Variants in MYLK observed in about 807,000 individuals in gnomAD.
The protein encoded by MYLK is myosin light chain kinase.
In MYLK, 106 loss-of-function variants were observed where a neutral mutation model predicts 203.4. That is an observed-to-expected ratio of 0.52 (90% confidence interval 0.45 to 0.61). The LOEUF is 0.61. Among genes scored for constraint, MYLK ranks in the 20% least tolerant of loss-of-function variants. The pLI is 0.00. For synonymous variants in MYLK, 867 were observed against 959.5 expected (o/e 0.90, Z 1.78); for missense variants, 2,072 against 2,442.3 (o/e 0.85, Z 3.20).
chr3:123,810,127 C>T (rs930163379), intron 3 of MYLK, among the ~76,000 whole-genome samples: 1 of 152,204 alleles, frequency 6.6e-6, no homozygotes, highest in African/African-American at 2.4e-5. Flanking sequence ...TGTGTATTTA[C>T]TGAGTGCCCA....
At chr3:123,713,677 G>GGCCTCTA (rs1400460032) in intron 13 of MYLK, among the ~76,000 whole-genome samples, 1 of 150,594 alleles carries the variant, frequency 6.6e-6, no homozygotes, top group Non-Finnish European at 1.5e-5. Flanking sequence ...GCTCATCTCT[G>GGCCTCTA]GCCTCTAGCC....
chr3:123,677,519 G>C (rs2060108825), intron 20 of MYLK, among the ~76,000 whole-genome samples: 1 of 152,096 alleles, frequency 6.6e-6, no homozygotes, highest in African/African-American at 2.4e-5. Flanking sequence ...GGAAGAGTGT[G>C]GGGTGTTTCT....
intron 20 of MYLK, chr3:123,681,402 T>C (rs2060259930): frequency 6.6e-6 from 1 of 152,106 alleles, no homozygotes; most frequent in Admixed American, 6.6e-5. Context: ...TTCTGAAAGG[T>C]AATTGCTTGA....
chr3:123,692,670 G>C (rs1186094496), intron 19 of MYLK, 65 bp downstream of exon 19: 2 of 1,266,370 alleles, frequency 1.6e-6, no homozygotes, highest in Admixed American at 1.7e-5. Context: ...GTATGGTAAG[G>C]AAGGGAGGGG....
intron 4 of MYLK, among the ~76,000 whole-genome samples, chr3:123,776,149 G>T (rs764412786): frequency 6.6e-6 from 1 of 152,200 alleles, no homozygotes; most frequent in African/African-American, 2.4e-5. Flanking sequence ...AGGCCAAGCT[G>T]CAGGGCAGAT....
At chr3:123,634,894 G>T (rs1254401) in intron 29 of MYLK, among the ~76,000 whole-genome samples, 1 of 152,086 alleles carries the variant, frequency 6.6e-6, no homozygotes, top group Non-Finnish European at 1.5e-5. Flanking sequence ...AACCACATGG[G>T]TATTGCTAAC....
In MYLK at chr3:123,797,177, A is replaced by G. The variant is rs542530081; in HGVS notation, c.-3-3333T>C. 2.0e-5 allele frequency among the ~76,000 whole-genome samples: 3 copies of G among 152,304 alleles called. No homozygotes were observed. The South Asian group carries it at 6.2e-4, about 32-fold the overall frequency. On this transcript the variant is annotated intron_variant, in intron 3 of 33. Coordinates refer to ENST00000360304, the MANE Select transcript of MYLK (RefSeq NM_053025.4). ...CAGAACAGTAGAATTGAATGATAAA[A>G]TGAGCACCCCAAATACCTATCACCT...
Position 123,614,028 on chromosome 3 carries a change from G to GTTTTTT in MYLK, c.*71_*76dup. 7.7e-7 allele frequency: 1 copy of GTTTTTT among 1,291,556 alleles called. No individual in the cohort carries two copies. Among genetic ancestry groups the GTTTTTT allele is most frequent in the Non-Finnish European group, 1.1e-6 (1 of 932,578 alleles). The allele number at this position is 1,291,556 out of a possible 1,614,324, so 80.0% of individuals were successfully genotyped here. ...ACACTAGGTGCTTTTACTATCTTGAGTTTTTTTTTTTTTTTTGAGTTTTAG... is the reference window on the plus strand; with the variant it reads ...ACACTAGGTGCTTTTACTATCTTGAGTTTTTTTTTTTTTTTTTTTTTTGAGTTTTAG... On this transcript the variant is annotated 3_prime_UTR_variant, in exon 34 of 34. Transcript: ENST00000360304.
rs554225843 is a variant in MYLK, at chr3:123,741,035, C to T, written c.374-1034G>A. 1.6e-4 allele frequency among the ~76,000 whole-genome samples: 24 copies of T among 152,208 alleles called. No homozygotes were observed. The South Asian group carries it at 4.8e-3, about 30-fold the overall frequency. ...AGGTCTTTTTTGAGATGATGATCAC[C>T]CTGAAAGTTGTTCTTCTTTTGCCGC... is the stretch of plus-strand genomic sequence containing the variant. On this transcript the variant is annotated intron_variant, in intron 5 of 33. Coordinates refer to ENST00000360304, the MANE Select transcript of MYLK (RefSeq NM_053025.4).
At chr3:123,827,219 A>T (rs1370966009) in intron 3 of MYLK, among the ~76,000 whole-genome samples, 1 of 152,228 alleles carries the variant, frequency 6.6e-6, no homozygotes, top group African/African-American at 2.4e-5. Flanking sequence ...AAGAACTAAA[A>T]GGAAATCAAT....
At chr3:123,801,916 T>C (rs1453115414) in intron 3 of MYLK, among the ~76,000 whole-genome samples, 2 of 152,212 alleles carry the variant, frequency 1.3e-5, no homozygotes, top group South Asian at 2.1e-4. Flanking sequence ...TATGATAGAA[T>C]GATTTATCTT....
intron 29 of MYLK, among the ~76,000 whole-genome samples, chr3:123,636,289 GGGCTTCCTT>G (rs1428270370): frequency 6.6e-5 from 10 of 152,236 alleles, no homozygotes; most frequent in Non-Finnish European, 7.3e-5. Flanking sequence ...GCAGCCACGT[GGGCTTCCTT>G]GGCCCCTGTC....
intron 27 of MYLK, among the ~76,000 whole-genome samples, chr3:123,641,770 C>T (rs1290232560): frequency 2.0e-5 from 3 of 148,086 alleles, no homozygotes; most frequent in Non-Finnish European, 4.5e-5. Flanking sequence ...TCCCTCCCTC[C>T]CTCTCTTCCC....
chr3:123,633,880 G>A (rs141380180), intron 29 of MYLK, among the ~76,000 whole-genome samples: 2 of 152,068 alleles, frequency 1.3e-5, no homozygotes, highest in African/African-American at 2.4e-5. Flanking sequence ...TGGGGGTCTC[G>A]CTATATCAGC....
chr3:123,699,529 C>T lies in MYLK; in HGVS notation c.3448+491G>A, dbSNP rs555597644. Among the ~76,000 whole-genome samples the T allele has an allele frequency of 1.3e-4, 20 of 152,336 alleles. No homozygotes were observed. The South Asian group carries it at 3.1e-3, about 24-fold the overall frequency. On this transcript the variant is annotated intron_variant, in intron 18 of 33. Coordinates refer to ENST00000360304, the MANE Select transcript of MYLK (RefSeq NM_053025.4). ...TATTGTTGACCCCAACTCAGAGCTC[C>T]GTGCCATCTGGTCACTGCACACCGT...
chr3:123,730,528 A>G (rs897923693), intron 11 of MYLK, among the ~76,000 whole-genome samples: 2 of 152,264 alleles, frequency 1.3e-5, no homozygotes, highest in African/African-American at 4.8e-5. Context: ...GTGGATAAAC[A>G]AAACACTGTA....
intron 3 of MYLK, among the ~76,000 whole-genome samples, chr3:123,805,888 G>A (rs1577030529): frequency 6.6e-6 from 1 of 152,194 alleles, no homozygotes; most frequent in East Asian, 1.9e-4. Flanking sequence ...TCAATACATT[G>A]TAACTGTAAT....
chr3:123,617,844 C>T (rs910217895), intron 33 of MYLK: 1 of 152,258 alleles, frequency 6.6e-6, no homozygotes, highest in Non-Finnish European at 1.5e-5. Context: ...GCTCATTTCT[C>T]AGGTGCTATG....
At chr3:123,860,804 A>G (rs1213662827) in intron 2 of MYLK, among the ~76,000 whole-genome samples, 1 of 152,168 alleles carries the variant, frequency 6.6e-6, no homozygotes, top group Non-Finnish European at 1.5e-5. Flanking sequence ...GTGTCAGAGT[A>G]AAATGCATAG....
Sources: gnomAD v4.1 joint callset for allele counts (sites outside exome capture counted in the v4.1 genomes callset) on GRCh38, gnomAD v4.1.1 for gene constraint, MANE v1.5 for transcripts, NCBI Gene and HGNC (gene_info 2026-07-23, HGNC 2026-07-21) for gene names.